The following KLHL12 variants were observed in gnomAD, a reference collection of about 807,000 sequenced individuals.
The protein encoded by KLHL12 is kelch like family member 12.
KLHL12 carries 17 observed loss-of-function variants against 60.8 expected under a neutral mutation model. The ratio of observed to expected loss-of-function variants is 0.28; its 90% CI spans 0.19 to 0.42. The LOEUF (loss-of-function observed/expected upper bound fraction) is 0.42. KLHL12 is among the 10% of genes least tolerant of loss of function. The pLI is 1.00. For missense variants in KLHL12, 468 were observed against 722.3 expected (o/e 0.65, Z 4.04); for synonymous variants, 220 against 250.9 (o/e 0.88, Z 1.16).
chr1:202,919,837 G>A lies in KLHL12; in HGVS notation c.267C>T (p.Asp89=). 2 of 1,613,798 alleles carry A rather than the reference G, an allele frequency of 1.2e-6. No homozygotes were observed. The highest frequency in any genetic ancestry group is 1.7e-6 in the Non-Finnish European group (2 of 1,179,800). The change falls in exon 3 of 12, where the codon GAC becomes GAT. Residue 89 remains aspartate (D), a synonymous_variant. Coordinates refer to ENST00000367261, the MANE Select transcript of KLHL12 (RefSeq NM_021633.4). ...CATGTACTGTTTCTGTGTACACAAAGTCCAATAAAATTTCCATGGTAGAGG... is the reference window on the plus strand; with the variant it reads ...CATGTACTGTTTCTGTGTACACAAAATCCAATAAAATTTCCATGGTAGAGG... ...LTASTMEILL[D]FVYTETVHVT... is the part of the protein sequence containing the mutation.
Position 202,893,466 on chromosome 1 carries a change from C to T in KLHL12, c.1394-41G>A, listed in dbSNP as rs371649452. The T allele has an allele frequency of 6.6e-7, 1 of 1,508,126 alleles. No homozygotes were observed. The highest frequency in any genetic ancestry group is 1.4e-5 in the African/African-American group (1 of 72,432). The allele number at this position is 1,508,126 out of a possible 1,614,324, so 93.4% of individuals were successfully genotyped here. ...GCATTAGCAAATGTATGGTACTAAG[C>T]CTAGAATCTGAATTATAGAAATAAA... is the stretch of plus-strand genomic sequence containing the variant. On this transcript the variant is annotated intron_variant, in intron 10 of 11. Coordinates refer to ENST00000367261, the MANE Select transcript of KLHL12 (RefSeq NM_021633.4). The surrounding 1 kb of genome is among the most constrained non-coding windows in gnomAD (Gnocchi z 4.1).
At chr1:202,919,647 A>C in intron 3 of KLHL12, 108 bp downstream of exon 3, 1 of 1,023,126 alleles carries the variant, frequency 9.8e-7, no homozygotes, top group Non-Finnish European at 1.4e-6. Flanking sequence ...GCAAACATGA[A>C]CATCCATAGT....
chr1:202,915,653 G>A lies in KLHL12; in HGVS notation c.567+2518C>T, dbSNP rs549223713. ...ATTAGAAACAAACTGAAAACATGAC[G>A]AGCTCATAGTTGAGTGATTAAGAGA... On this transcript the variant is annotated intron_variant, in intron 4 of 11. Transcript: ENST00000367261. 9.2e-5 allele frequency among the ~76,000 whole-genome samples: 14 copies of A among 152,274 alleles called. No individual in the cohort carries two copies. In the South Asian group the frequency reaches 2.5e-3, roughly 27 times the overall value.
At chr1:202,906,760 C>G (rs533530152) in intron 6 of KLHL12, among the ~76,000 whole-genome samples, 7 of 152,224 alleles carry the variant, frequency 4.6e-5, no homozygotes, top group African/African-American at 1.7e-4. Flanking sequence ...CTCCCGGGTT[C>G]AAGCGATTCT....
chr1:202,919,853 A>G lies in KLHL12; in HGVS notation c.251T>C (p.Met84Thr). Residue 84 changes from methionine to threonine, a missense_variant, in exon 3 of 12, where the codon ATG becomes ACG. Coordinates refer to ENST00000367261, the MANE Select transcript of KLHL12 (RefSeq NM_021633.4). Reference protein sequence around the residue: ...VDIQGLTASTMEILLDFVYTE... With the variant: ...VDIQGLTASTTEILLDFVYTE... ...GTACACAAAGTCCAATAAAATTTCC[A>G]TGGTAGAGGCAGTCAAACCTTGGAT... 1.2e-6 allele frequency: 2 copies of G among 1,614,000 alleles called. No individual in the cohort carries two copies.
rs910933920 is a variant in KLHL12 at position 202,927,213 on chromosome 1, G to C, written c.-170C>G. The C allele has an allele frequency of 2.0e-6, 2 of 985,278 alleles. No homozygotes were observed. The highest frequency in any genetic ancestry group is 2.4e-6 in the Non-Finnish European group (2 of 829,898). 61.0% of individuals were successfully genotyped at this position (985,278 alleles called of 1,614,324 possible). ...GCCGCCCAGACCCGGAGGCTCTGGA[G>C]GCTCTGGAGCCGTCCGGGTCTGGCC... On this transcript the variant is annotated 5_prime_UTR_variant, in exon 1 of 12. Coordinates refer to ENST00000367261, the MANE Select transcript of KLHL12 (RefSeq NM_021633.4).
upstream of KLHL12, chr1:202,928,367 A>G: frequency 2.1e-6 from 1 of 482,652 alleles, no homozygotes; most frequent in South Asian, 1.7e-5. Context: ...ATGTATCTAC[A>G]GCTCGGCGAT....
chr1:202,923,716 A>C (rs775574151), intron 2 of KLHL12, among the ~76,000 whole-genome samples: 1 of 152,196 alleles, frequency 6.6e-6, no homozygotes. Flanking sequence ...TGAGATGGTA[A>C]TACCTACCCC....
At chr1:202,922,625 T>C (rs1005357117) in intron 2 of KLHL12, among the ~76,000 whole-genome samples, 2 of 151,664 alleles carry the variant, frequency 1.3e-5, no homozygotes, top group African/African-American at 4.8e-5. Flanking sequence ...TGGCTGGGAC[T>C]ACAGGCGCCC....
chr1:202,926,436 TAGATA>T (rs889015536), intron 1 of KLHL12, among the ~76,000 whole-genome samples: 32 of 152,288 alleles, frequency 2.1e-4, no homozygotes, highest in African/African-American at 7.5e-4. Context: ...ATAAGCACTA[TAGATA>T]ATTCCTCCAA....
intron 3 of KLHL12, 110 bp downstream of exon 3, chr1:202,919,645 G>T: frequency 9.9e-7 from 1 of 1,008,946 alleles, no homozygotes; most frequent in Non-Finnish European, 1.4e-6. Flanking sequence ...CAGCAAACAT[G>T]AACATCCATA....
Position 202,893,356 on chromosome 1 carries a change from G to A in KLHL12, c.1463C>T (p.Ser488Phe). 6.2e-7 allele frequency: 1 copy of A among 1,614,086 alleles called. No individual in the cohort carries two copies. The highest frequency in any genetic ancestry group is 8.5e-7 in the Non-Finnish European group (1 of 1,179,970). ...VGGFDGTAHLSSVEAYNIRTD... is the reference protein window; with the variant it reads ...VGGFDGTAHLFSVEAYNIRTD... ...GCGAATGTTGTATGCTTCAACGGAAGAAAGGTGGGCTGTACCATCAAATCC... is the reference window on the plus strand; with the variant it reads ...GCGAATGTTGTATGCTTCAACGGAAAAAAGGTGGGCTGTACCATCAAATCC... The change falls in exon 11 of 12, where the codon TCT (serine) becomes TTT (phenylalanine). Residue 488 changes from serine (S) to phenylalanine (F), a missense_variant. Physicochemically the swap from Ser to Phe is radical, Grantham distance 155. Coordinates refer to ENST00000367261, the MANE Select transcript of KLHL12 (RefSeq NM_021633.4). This position sits in a 1 kb window ranked among gnomAD's most constrained non-coding sequence, Gnocchi z 4.1.
chr1:202,906,449 T>G (rs916622560), intron 6 of KLHL12, among the ~76,000 whole-genome samples: 8 of 120,782 alleles, frequency 6.6e-5, no homozygotes, highest in Non-Finnish European at 1.2e-4. Context: ...GAGCAACGCT[T>G]CGTCTCAAAA....
chr1:202,909,814 C>G lies in KLHL12; in HGVS notation c.718-690G>C, dbSNP rs191634083. Among the ~76,000 whole-genome samples the G allele has an allele frequency of 6.6e-6, 1 of 152,192 alleles. No individual in the cohort carries two copies. Among genetic ancestry groups the G allele is most frequent in the Non-Finnish European group, 1.5e-5 (1 of 68,030 alleles). ...TTCCTTTAAGGTTCTAGTAACCACT[C>G]CTCAACCTTGTCCCTTCAGGCTTAG... On this transcript the variant is annotated intron_variant, in intron 5 of 11. Transcript: ENST00000367261. The surrounding 1 kb of genome is among the most constrained non-coding windows in gnomAD (Gnocchi z 4.1).
At chr1:202,927,059 G>A in intron 1 of KLHL12, 30 bp downstream of exon 1, 1 of 985,254 alleles carries the variant, frequency 1.0e-6, no homozygotes. Context: ...GAAGGGAAGG[G>A]CTGACTGCCA....
chr1:202,927,310 A>G (rs985090140), upstream of KLHL12: 2 of 978,496 alleles, frequency 2.0e-6, no homozygotes, highest in Non-Finnish European at 2.4e-6. Flanking sequence ...AGTCTGCGTC[A>G]CGTGAGGAGG....
intron 6 of KLHL12, among the ~76,000 whole-genome samples, chr1:202,897,886 T>C (rs895889607): frequency 7.9e-5 from 12 of 151,838 alleles, no homozygotes; most frequent in African/African-American, 2.9e-4. Flanking sequence ...CTCTTTTCCA[T>C]GAACACTTCC....
chr1:202,899,822 C>CA (rs10612618), intron 6 of KLHL12, among the ~76,000 whole-genome samples: 4 of 143,112 alleles, frequency 2.8e-5, no homozygotes, highest in South Asian at 2.3e-4. Flanking sequence ...GACTCCATCT[C>CA]AAAAAAAAAA....
intron 6 of KLHL12, among the ~76,000 whole-genome samples, chr1:202,903,037 T>A (rs1406083683): frequency 1.3e-5 from 2 of 151,082 alleles, no homozygotes; most frequent in Non-Finnish European, 3.0e-5. Flanking sequence ...GGCATACGCC[T>A]GTAGTCCCAG....
Sources: allele counts gnomAD v4.1 joint callset (sites outside exome capture counted in the v4.1 genomes callset), GRCh38; gene constraint gnomAD v4.1.1; non-coding constraint Gnocchi (gnomAD v3.1); transcripts MANE v1.5; gene names NCBI Gene and HGNC (gene_info 2026-07-23, HGNC 2026-07-21).